Variants in WWC2 observed in about 807,000 individuals in gnomAD.
The protein encoded by WWC2 is protein WWC2.
A neutral mutation model predicts 138.5 loss-of-function variants in WWC2; 101 were observed. That is an observed-to-expected ratio of 0.73 (90% CI 0.62 to 0.86). WWC2 has a LOEUF of 0.86. WWC2 is among the 40% of genes least tolerant of loss of function. The probability of loss-of-function intolerance (pLI) is 0.00; values close to 1 mark genes in which losing one functional copy is unlikely to be tolerated. For synonymous variants in WWC2, 558 were observed against 538.4 expected, an observed-to-expected ratio of 1.04 and a Z score of -0.50; for missense variants, 1,420 against 1,419.4, an observed-to-expected ratio of 1.00 and a Z score of -0.01.
chr4:183,137,126 A>G (rs1733142760), intron 1 of WWC2, among the ~76,000 whole-genome samples: 1 of 152,168 alleles, frequency 6.6e-6, no homozygotes, highest in African/African-American at 2.4e-5. Flanking sequence ...GAGGCCTTCA[A>G]CATTACTGTA....
At chr4:183,099,759 C>T in intron 1 of WWC2, 137 bp downstream of exon 1, 1 of 946,708 alleles carries the variant, frequency 1.1e-6, no homozygotes, top group Non-Finnish European at 1.3e-6. Context: ...GGGCTGGCTG[C>T]TCCGGCGGGG....
rs556658056 is a variant in WWC2 at position 183,117,633 on chromosome 4, T to TG, written c.131+18011_131+18012insG. On this transcript the variant is annotated intron_variant, in intron 1 of 22. Coordinates refer to ENST00000403733, the MANE Select transcript of WWC2 (RefSeq NM_024949.6). ...ATGTAAATTACAAAGCTTTTTTTTTTTTTGTTTAAAACACTGAGACAAGGT... is the reference window on the plus strand; with the variant it reads ...ATGTAAATTACAAAGCTTTTTTTTTTGTTTGTTTAAAACACTGAGACAAGGT... Among the ~76,000 whole-genome samples the TG allele has an allele frequency of 1.7e-3, 253 of 152,080 alleles. 1 individual carries two copies. Among genetic ancestry groups the TG allele is most frequent in the African/African-American group, 5.9e-3 (244 of 41,478 alleles).
chr4:183,171,888 C>T (rs967262859), intron 1 of WWC2, among the ~76,000 whole-genome samples: 8 of 152,208 alleles, frequency 5.3e-5, no homozygotes, highest in Non-Finnish European at 1.2e-4. Context: ...TCCTCATGCA[C>T]ATGTGCCTCC....
chr4:183,155,006 C>T (rs768132738), intron 1 of WWC2, among the ~76,000 whole-genome samples: 4 of 152,174 alleles, frequency 2.6e-5, no homozygotes, highest in Non-Finnish European at 5.9e-5. Context: ...ATAGAATAAG[C>T]ACATGCTAGC....
chr4:183,271,297 C>T (rs113498880), intron 16 of WWC2, 56 bp downstream of exon 16: 1 of 1,380,920 alleles, frequency 7.2e-7, no homozygotes, highest in Non-Finnish European at 9.6e-7. Flanking sequence ...ATATGAAATA[C>T]ATATATGAAA....
intron 22 of WWC2, 130 bp downstream of exon 22, chr4:183,312,598 A>G (rs1739294265): frequency 7.4e-7 from 1 of 1,355,802 alleles, no homozygotes; most frequent in Non-Finnish European, 9.9e-7. Context: ...TACCTTGAAT[A>G]TATAATTTTC....
At chr4:183,294,090 C>A (rs992325665) in intron 21 of WWC2, among the ~76,000 whole-genome samples, 1 of 151,994 alleles carries the variant, frequency 6.6e-6, no homozygotes, top group African/African-American at 2.4e-5. Flanking sequence ...TCCCTGTTGC[C>A]GCTATTCAGC....
intron 21 of WWC2, among the ~76,000 whole-genome samples, chr4:183,307,863 C>G (rs572175894): frequency 1.3e-5 from 2 of 152,112 alleles, no homozygotes; most frequent in East Asian, 3.9e-4. Context: ...TTAGCTAATG[C>G]AATAAGAAAA....
At chr4:183,266,810 C>G (rs1737519231) in intron 14 of WWC2, among the ~76,000 whole-genome samples, 1 of 152,170 alleles carries the variant, frequency 6.6e-6, no homozygotes, top group Non-Finnish European at 1.5e-5. Flanking sequence ...AGACTCTATA[C>G]CCAGCCAGGT....
At position 183,274,572 on chromosome 4, in the gene WWC2, C is replaced by T. The variant is rs192831982; in HGVS notation, c.2562+3331C>T. Among the ~76,000 whole-genome samples, 630 of 152,154 alleles carry T rather than the reference C, an allele frequency of 4.1e-3. 2 individuals carry two copies. Among genetic ancestry groups the T allele is most frequent in the African/African-American group, 0.014 (590 of 41,510 alleles). ...TAGGAACTACAAAAGGATCAGTATG[C>T]GACTTCTTTTGTTAAACTTATTTCT... On this transcript the variant is annotated intron_variant, in intron 16 of 22. Coordinates refer to ENST00000403733, the MANE Select transcript of WWC2 (RefSeq NM_024949.6).
At chr4:183,152,990 G>A (rs950016748) in intron 1 of WWC2, among the ~76,000 whole-genome samples, 3 of 152,056 alleles carry the variant, frequency 2.0e-5, no homozygotes, top group African/African-American at 4.8e-5. Context: ...TGAATCCCTG[G>A]GCTCAAGTGA....
At chr4:183,249,718 G>T (rs1295122299) in intron 7 of WWC2, among the ~76,000 whole-genome samples, 2 of 152,124 alleles carry the variant, frequency 1.3e-5, no homozygotes, top group Non-Finnish European at 2.9e-5. Flanking sequence ...TAGAGTCTTT[G>T]AAAAACAGAT....
chr4:183,194,292 T>A (rs1439948556), intron 2 of WWC2, among the ~76,000 whole-genome samples: 2 of 152,226 alleles, frequency 1.3e-5, no homozygotes, highest in African/African-American at 4.8e-5. Flanking sequence ...GGCAGAGGAT[T>A]ACTGTGGCCG....
chr4:183,218,592 G>T (rs916962671), intron 4 of WWC2, among the ~76,000 whole-genome samples: 1 of 152,190 alleles, frequency 6.6e-6, no homozygotes, highest in Non-Finnish European at 1.5e-5. Context: ...CAGATTTGCG[G>T]CATGGGCTGA....
At chr4:183,220,821 G>A (rs780682365) in intron 4 of WWC2, among the ~76,000 whole-genome samples, 1 of 149,078 alleles carries the variant, frequency 6.7e-6, no homozygotes, top group East Asian at 2.0e-4. Context: ...GCGACAGAGC[G>A]AGACTCCGTC....
chr4:183,162,337 G>T (rs1733986099), intron 1 of WWC2, among the ~76,000 whole-genome samples: 1 of 152,046 alleles, frequency 6.6e-6, no homozygotes, highest in Non-Finnish European at 1.5e-5. Context: ...ATTCTCAAAG[G>T]TCATGGAATA....
chr4:183,269,547 A>G (rs1737631169), intron 15 of WWC2: 1 of 475,646 alleles, frequency 2.1e-6, no homozygotes, highest in Admixed American at 2.4e-5. Context: ...CTGATGAAAG[A>G]TTGGTTATGA....
chr4:183,183,569 C>G (rs1734705344), intron 1 of WWC2, among the ~76,000 whole-genome samples: 1 of 152,132 alleles, frequency 6.6e-6, no homozygotes, highest in South Asian at 2.1e-4. Context: ...ATCACTTGAG[C>G]TCAGGAGTTT....
At chr4:183,180,945 T>C (rs1047120005) in intron 1 of WWC2, among the ~76,000 whole-genome samples, 2 of 152,200 alleles carry the variant, frequency 1.3e-5, no homozygotes, top group Non-Finnish European at 2.9e-5. Flanking sequence ...CATACTAGAC[T>C]GTTTTATTAT....
Sources: allele counts gnomAD v4.1 joint callset (sites outside exome capture counted in the v4.1 genomes callset), GRCh38; gene constraint gnomAD v4.1.1; transcripts MANE v1.5; gene names NCBI Gene and HGNC (gene_info 2026-07-23, HGNC 2026-07-21).